The following RNLS variants were observed in gnomAD, a reference collection of about 807,000 sequenced individuals.
The protein encoded by RNLS is renalase.
A neutral mutation model predicts 39.8 loss-of-function variants in RNLS; 39 were observed. The ratio of observed to expected loss-of-function variants is 0.98; its 90% CI spans 0.76 to 1.28. The LOEUF (loss-of-function observed/expected upper bound fraction) is 1.28, where lower values mean the gene tolerates loss of function less well. Among genes scored for constraint, RNLS ranks in the 50% most tolerant of loss-of-function variants. The probability of loss-of-function intolerance (pLI) is 0.00; values close to 1 mark genes in which losing one functional copy is unlikely to be tolerated. For missense variants in RNLS, 410 were observed against 413.3 expected (o/e 0.99, Z 0.07); for synonymous variants, 147 against 150.7 (o/e 0.98, Z 0.18).
At chr10:88,487,051 T>C (rs1844571029) in intron 4 of RNLS, among the ~76,000 whole-genome samples, 1 of 152,208 alleles carries the variant, frequency 6.6e-6, no homozygotes, top group Non-Finnish European at 1.5e-5. Flanking sequence ...ATCATGTCTT[T>C]TGCAAAAACA....
exon 7 of RNLS, chr10:88,275,017 C>T: frequency 1.2e-6 from 2 of 1,613,290 alleles, no homozygotes; most frequent in Non-Finnish European, 8.5e-7. Flanking sequence ...CCTAGAATCA[C>T]ACCAGCACTT....
At chr10:88,266,128 T>C in the RNLS span, among the ~76,000 whole-genome samples, 1 of 152,270 alleles carries the variant, frequency 6.6e-6, no homozygotes, top group African/African-American at 2.4e-5. Flanking sequence ...TTCTGAGTGC[T>C]TTTTTACCAG....
At chr10:88,477,750 T>G (rs1289846728) in intron 4 of RNLS, among the ~76,000 whole-genome samples, 2 of 152,214 alleles carry the variant, frequency 1.3e-5, no homozygotes, top group Non-Finnish European at 2.9e-5. Flanking sequence ...GCTATCATGA[T>G]CTTTGTTTCA....
At chr10:88,503,322 A>G (rs1845607124) in intron 4 of RNLS, among the ~76,000 whole-genome samples, 1 of 152,216 alleles carries the variant, frequency 6.6e-6, no homozygotes, top group Admixed American at 6.5e-5. Flanking sequence ...TAGAGATTGC[A>G]GTGAGCTGAG....
the RNLS span, among the ~76,000 whole-genome samples, chr10:88,177,700 C>T: frequency 6.6e-6 from 1 of 152,226 alleles, no homozygotes; most frequent in Non-Finnish European, 1.5e-5. Context: ...TCTGGCAGAA[C>T]AGTCACTTCT....
chr10:88,198,864 C>T, the RNLS span, among the ~76,000 whole-genome samples: 2 of 152,116 alleles, frequency 1.3e-5, no homozygotes, highest in African/African-American at 4.8e-5. Context: ...CAAGAACAAA[C>T]CAATACACCT....
intron 4 of RNLS, among the ~76,000 whole-genome samples, chr10:88,524,813 C>A (rs1164176719): frequency 3.3e-5 from 5 of 151,222 alleles, no homozygotes; most frequent in Non-Finnish European, 1.5e-5. Flanking sequence ...TGTATCTAAC[C>A]TTTCCGTATT....
intron 4 of RNLS, among the ~76,000 whole-genome samples, chr10:88,552,519 G>A (rs895457294): frequency 6.6e-6 from 1 of 152,204 alleles, no homozygotes; most frequent in Non-Finnish European, 1.5e-5. Flanking sequence ...TGCGATAACA[G>A]CAAATGTAAA....
At chr10:88,428,038 TA>T (rs531932668) in intron 4 of RNLS, among the ~76,000 whole-genome samples, 5 of 150,364 alleles carry the variant, frequency 3.3e-5, no homozygotes, top group South Asian at 4.2e-4. Flanking sequence ...CCTTGAACAA[TA>T]AAAAAAAAGA....
chr10:88,230,042 G>A, the RNLS span, among the ~76,000 whole-genome samples: 1 of 152,026 alleles, frequency 6.6e-6, no homozygotes. Context: ...TGGACAAATG[G>A]AGCCACCTGC....
At chr10:88,180,040 T>C in the RNLS span, among the ~76,000 whole-genome samples, 2 of 152,220 alleles carry the variant, frequency 1.3e-5, no homozygotes, top group Non-Finnish European at 2.9e-5. Flanking sequence ...GTATACAGTA[T>C]GTTCTTACGG....
At chr10:88,335,136 C>A (rs768024418) in intron 5 of RNLS, among the ~76,000 whole-genome samples, 2 of 151,962 alleles carry the variant, frequency 1.3e-5, no homozygotes, top group Non-Finnish European at 2.9e-5. Flanking sequence ...GATTTATAAA[C>A]TTTAAGCATA....
At chr10:88,541,077 G>T (rs1848013425) in intron 4 of RNLS, among the ~76,000 whole-genome samples, 1 of 151,630 alleles carries the variant, frequency 6.6e-6, no homozygotes, top group Non-Finnish European at 1.5e-5. Context: ...ACTTCTACCA[G>T]TTCTCACCCT....
intron 4 of RNLS, among the ~76,000 whole-genome samples, chr10:88,516,992 C>A (rs957902330): frequency 2.6e-5 from 4 of 151,886 alleles, no homozygotes; most frequent in Admixed American, 2.6e-4. Context: ...GTTTTCATTT[C>A]AAAATATGAT....
At position 88,362,672 on chromosome 10, in the gene RNLS, A is replaced by G. The variant is rs775809952; in HGVS notation, c.580T>C (p.Tyr194His). 2 of 1,613,942 alleles carry G rather than the reference A, an allele frequency of 1.2e-6. No homozygotes were observed. The highest frequency in any genetic ancestry group is 4.5e-5 in the East Asian group (2 of 44,884). ...QLEAVSYSSR[Y>H]ALGLFYEAGT... The stretch of plus-strand genomic sequence containing the variant: ...GCTTCATAAAAGAGGCCCAGAGCAT[A>G]TCGAGAGGAGTAGCTCACAGCCTCC... The change falls in exon 5 of 7, where the codon TAT becomes CAT. Residue 194 changes from tyrosine to histidine, a missense_variant. By Grantham distance (83) the Tyr-to-His change is moderately conservative. Transcript: ENST00000331772.
At chr10:88,518,957 T>C (rs912579447) in intron 4 of RNLS, among the ~76,000 whole-genome samples, 5 of 152,050 alleles carry the variant, frequency 3.3e-5, no homozygotes, top group African/African-American at 9.7e-5. Context: ...AAAGAAAAGA[T>C]AGTCCTTTAG....
chr10:88,466,260 A>G (rs1479646665), intron 4 of RNLS, among the ~76,000 whole-genome samples: 1 of 152,046 alleles, frequency 6.6e-6, no homozygotes, highest in Non-Finnish European at 1.5e-5. Context: ...AAAAAGTCCC[A>G]CACCAATAAG....
chr10:88,453,677 T>A (rs1157900697), intron 4 of RNLS, among the ~76,000 whole-genome samples: 1 of 152,220 alleles, frequency 6.6e-6, no homozygotes, highest in Non-Finnish European at 1.5e-5. Flanking sequence ...ATTTATGTGT[T>A]CTCTGCTGGT....
intron 3 of RNLS, among the ~76,000 whole-genome samples, chr10:88,575,159 T>TACACAC (rs375572767): frequency 2.8e-4 from 12 of 43,388 alleles, no homozygotes; most frequent in African/African-American, 9.6e-4. Context: ...TATATATATA[T>TACACAC]ACACACACAC....
Sources: allele counts gnomAD v4.1 joint callset (sites outside exome capture counted in the v4.1 genomes callset), GRCh38; gene constraint gnomAD v4.1.1; transcripts MANE v1.5; gene names NCBI Gene and HGNC (gene_info 2026-07-23, HGNC 2026-07-21).